The following LRRTM4 variants were observed in gnomAD, a reference collection of about 807,000 sequenced individuals.
The protein encoded by LRRTM4 is leucine rich repeat transmembrane neuronal 4.
In LRRTM4, 25 loss-of-function variants were observed where a neutral mutation model predicts 47.6. That is an observed-to-expected ratio of 0.53 (90% CI 0.38 to 0.73). The LOEUF (loss-of-function observed/expected upper bound fraction) is 0.73, where lower values mean the gene tolerates loss of function less well. Among genes scored for constraint, LRRTM4 ranks in the 30% least tolerant of loss-of-function variants. LRRTM4 has a pLI of 0.00. For missense variants in LRRTM4, 638 were observed against 713.4 expected, an observed-to-expected ratio of 0.89 and a Z score of 1.20; for synonymous variants, 311 against 269.5, an observed-to-expected ratio of 1.15 and a Z score of -1.51.
intron 3 of LRRTM4, among the ~76,000 whole-genome samples, chr2:76,761,540 A>ATAAATG (rs757290215): frequency 4.7e-4 from 71 of 152,256 alleles, no homozygotes; most frequent in Non-Finnish European, 8.7e-4. Context: ...CAAAGTGCCC[A>ATAAATG]TAAATGTTCA....
intron 1 of LRRTM4, 139 bp from the exon 2 acceptor site, chr2:77,521,957 G>A (rs893317850): frequency 1.6e-5 from 10 of 609,300 alleles, no homozygotes; most frequent in Non-Finnish European, 2.7e-5. Flanking sequence ...GATAGGGATG[G>A]GGGAGGGCCT....
Position 76,781,148 on chromosome 2 carries a change from C to G in LRRTM4, c.1552-32232G>C, listed in dbSNP as rs536519859. Among the ~76,000 whole-genome samples the G allele has an allele frequency of 1.9e-3, 284 of 152,378 alleles. No homozygotes were observed. The East Asian group carries it at 0.031, about 16-fold the overall frequency. ...GCTGCATGCTGGGAGAACCACAGCT[C>G]TCTTCAAAGCTGTCAGACAGGGACA... On this transcript the variant is annotated intron_variant, in intron 3 of 3. Coordinates refer to ENST00000409884, the MANE Select transcript of LRRTM4 (RefSeq NM_001134745.3).
At chr2:76,796,625 A>C (rs1170278554) in intron 3 of LRRTM4, among the ~76,000 whole-genome samples, 1 of 108,138 alleles carries the variant, frequency 9.2e-6, no homozygotes, top group Non-Finnish European at 1.7e-5. Flanking sequence ...AAAACTAACA[A>C]ACAGAAAGGA....
intron 3 of LRRTM4, among the ~76,000 whole-genome samples, chr2:76,868,926 A>G (rs1275821766): frequency 1.3e-5 from 2 of 152,088 alleles, no homozygotes; most frequent in Non-Finnish European, 2.9e-5. Flanking sequence ...TGCTTTCAGG[A>G]AAGATAGGGA....
intron 3 of LRRTM4, among the ~76,000 whole-genome samples, chr2:76,968,375 TATA>T (rs1676105134): frequency 1.5e-5 from 2 of 129,414 alleles, no homozygotes; most frequent in Non-Finnish European, 3.3e-5. Context: ...TATATATATA[TATA>T]TATATACACA....
intron 3 of LRRTM4, among the ~76,000 whole-genome samples, chr2:77,319,461 G>C (rs1677724525): frequency 1.3e-5 from 2 of 151,796 alleles, no homozygotes; most frequent in Admixed American, 1.3e-4. Context: ...CCTGCTACTT[G>C]ATTTCACTCA....
chr2:76,980,685 A>T (rs1024790006), intron 3 of LRRTM4, among the ~76,000 whole-genome samples: 2 of 152,030 alleles, frequency 1.3e-5, no homozygotes, highest in African/African-American at 4.8e-5. Flanking sequence ...GGAATTTTAA[A>T]TTCGAGAGTA....
chr2:77,291,643 A>AT (rs1458736740), intron 3 of LRRTM4, among the ~76,000 whole-genome samples: 5 of 152,098 alleles, frequency 3.3e-5, no homozygotes, highest in Non-Finnish European at 7.4e-5. Flanking sequence ...GAAAAGAAAA[A>AT]TTTTTTAAAA....
intron 3 of LRRTM4, among the ~76,000 whole-genome samples, chr2:77,373,579 AC>A (rs1289780441): frequency 6.6e-6 from 1 of 151,710 alleles, no homozygotes; most frequent in Non-Finnish European, 1.5e-5. Context: ...GGAACCCTAC[AC>A]CCGGCATCCC....
chr2:76,867,749 T>C (rs1352495117), intron 3 of LRRTM4, among the ~76,000 whole-genome samples: 2 of 152,172 alleles, frequency 1.3e-5, no homozygotes, highest in Non-Finnish European at 2.9e-5. Flanking sequence ...TTATTGTTTA[T>C]TGATGGTGTA....
At chr2:77,093,834 C>T (rs994817168) in intron 3 of LRRTM4, among the ~76,000 whole-genome samples, 8 of 151,842 alleles carry the variant, frequency 5.3e-5, no homozygotes, top group African/African-American at 1.9e-4. Context: ...CGGTCCTTGC[C>T]TTAAGTGATG....
At chr2:77,237,888 C>T (rs1222918172) in intron 3 of LRRTM4, among the ~76,000 whole-genome samples, 2 of 152,140 alleles carry the variant, frequency 1.3e-5, no homozygotes, top group African/African-American at 4.8e-5. Context: ...AATAAAATAA[C>T]AACCCTACCA....
At chr2:76,978,670 A>G (rs889418955) in intron 3 of LRRTM4, among the ~76,000 whole-genome samples, 5 of 152,088 alleles carry the variant, frequency 3.3e-5, no homozygotes, top group Non-Finnish European at 5.9e-5. Context: ...CACTTTCAAC[A>G]GTACTACATT....
chr2:77,176,497 A>T (rs1673201600), intron 3 of LRRTM4, among the ~76,000 whole-genome samples: 1 of 152,176 alleles, frequency 6.6e-6, no homozygotes, highest in African/African-American at 2.4e-5. Flanking sequence ...AAGGAAACAA[A>T]ATCTGCTAGA....
chr2:76,889,712 T>A (rs557043657), intron 3 of LRRTM4, among the ~76,000 whole-genome samples: 45 of 152,092 alleles, frequency 3.0e-4, no homozygotes, highest in African/African-American at 1.0e-3. Flanking sequence ...CTGCCAAATT[T>A]TTAGTAGATG....
In LRRTM4 at chr2:77,433,750, A is replaced by C. The variant is rs116222630; in HGVS notation, c.1551+84568T>G. ...TTTCAAATGTTGAAGTCCTAACACA[A>C]ACAACAGGAGTGGAAGGAAAATTCA... On this transcript the variant is annotated intron_variant, in intron 3 of 3. Coordinates refer to ENST00000409884, the MANE Select transcript of LRRTM4 (RefSeq NM_001134745.3). 9.8e-3 allele frequency among the ~76,000 whole-genome samples: 1,498 copies of C among 152,302 alleles called. 28 individuals carry two copies. Among genetic ancestry groups the C allele is most frequent in the African/African-American group, 0.035 (1,438 of 41,566 alleles).
rs1419099151 is a variant in LRRTM4, at chr2:76,771,690, G to A, written c.1552-22774C>T. Among the ~76,000 whole-genome samples the A allele has an allele frequency of 3.3e-5, 5 of 151,630 alleles. No individual in the cohort carries two copies. In the South Asian group the frequency reaches 1.0e-3, roughly 32 times the overall value. Reference sequence around the variant, plus strand: ...AAAAGAAGAACATCAGTTTAAGTCTGGCCTGGAAGGCACATCAAAGGCAGA... The same window carrying A: ...AAAAGAAGAACATCAGTTTAAGTCTAGCCTGGAAGGCACATCAAAGGCAGA... On this transcript the variant is annotated intron_variant, in intron 3 of 3. Transcript: ENST00000409884.
chr2:77,124,147 A>C (rs1671595547), intron 3 of LRRTM4, among the ~76,000 whole-genome samples: 1 of 152,118 alleles, frequency 6.6e-6, no homozygotes, highest in African/African-American at 2.4e-5. Flanking sequence ...AAAAAAATTT[A>C]ATCATAGGAG....
chr2:77,079,388 G>C (rs1347726560), intron 3 of LRRTM4, among the ~76,000 whole-genome samples: 4 of 152,158 alleles, frequency 2.6e-5, no homozygotes, highest in Non-Finnish European at 5.9e-5. Context: ...TTTACATATT[G>C]TCTGTGGATG....
Sources: allele counts gnomAD v4.1 joint callset (sites outside exome capture counted in the v4.1 genomes callset), GRCh38; gene constraint gnomAD v4.1.1; transcripts MANE v1.5; gene names NCBI Gene and HGNC (gene_info 2026-07-23, HGNC 2026-07-21).